Variants in NRXN1 observed in about 807,000 individuals in gnomAD.
NRXN1 encodes neurexin-1.
NRXN1 carries 39 observed loss-of-function variants against 150.9 expected under a neutral mutation model. That is an observed-to-expected ratio of 0.26 (90% CI 0.20 to 0.34). The LOEUF is 0.34. Among genes scored for constraint, NRXN1 ranks in the 10% least tolerant of loss-of-function variants. The pLI, the probability that NRXN1 is intolerant of heterozygous loss-of-function variation, is 1.00. For missense variants in NRXN1, 1,815 were observed against 1,949.9 expected, an observed-to-expected ratio of 0.93 and a Z score of 1.30; for synonymous variants, 924 against 757.0, an observed-to-expected ratio of 1.22 and a Z score of -3.62.
chr2:50,759,171 T>C (rs1701503529), intron 5 of NRXN1, among the ~76,000 whole-genome samples: 1 of 151,950 alleles, frequency 6.6e-6, no homozygotes, highest in South Asian at 2.1e-4. Flanking sequence ...TGACAAATTG[T>C]AGATAAATTG....
At chr2:50,816,276 T>C (rs768474744) in intron 5 of NRXN1, among the ~76,000 whole-genome samples, 3 of 152,092 alleles carry the variant, frequency 2.0e-5, no homozygotes, top group Non-Finnish European at 2.9e-5. Flanking sequence ...TCTTCTATTT[T>C]ATTTAGGAAT....
intron 8 of NRXN1, among the ~76,000 whole-genome samples, chr2:50,610,176 A>G (rs1194345293): frequency 6.6e-6 from 1 of 152,076 alleles, no homozygotes; most frequent in African/African-American, 2.4e-5. Context: ...ACTCCAAAAT[A>G]CTCATTTTGT....
chr2:50,156,494 G>C lies in NRXN1; in HGVS notation c.3547-65000C>G, dbSNP rs188195416. ...AATGGTTCCTTGCCTTTTATCTTACGGGTTACCTCAATGTTCAAACATGTG... is the reference window on the plus strand; with the variant it reads ...AATGGTTCCTTGCCTTTTATCTTACCGGTTACCTCAATGTTCAAACATGTG... On this transcript the variant is annotated intron_variant, in intron 18 of 22. Transcript: ENST00000401669. 1.6e-4 allele frequency among the ~76,000 whole-genome samples: 25 copies of C among 151,796 alleles called. No homozygotes were observed. The East Asian group carries it at 4.7e-3, about 28-fold the overall frequency.
At chr2:50,995,296 G>A (rs1014746418) in intron 2 of NRXN1, among the ~76,000 whole-genome samples, 7 of 151,870 alleles carry the variant, frequency 4.6e-5, no homozygotes, top group African/African-American at 9.7e-5. Flanking sequence ...TAGTGGCAGA[G>A]AAAAGACAGG....
intron 5 of NRXN1, among the ~76,000 whole-genome samples, chr2:50,847,473 G>A (rs1673832337): frequency 6.6e-6 from 1 of 152,072 alleles, no homozygotes; most frequent in Non-Finnish European, 1.5e-5. Flanking sequence ...TGATACAGAA[G>A]CGGGGAAGGG....
intron 12 of NRXN1, among the ~76,000 whole-genome samples, chr2:50,525,173 C>G (rs568528877): frequency 1.3e-5 from 2 of 152,274 alleles, no homozygotes; most frequent in East Asian, 3.9e-4. Context: ...CAGTCATCTT[C>G]TCATGCAAAT....
intron 10 of NRXN1, among the ~76,000 whole-genome samples, chr2:50,531,869 A>G (rs1386796208): frequency 6.6e-6 from 1 of 151,846 alleles, no homozygotes; most frequent in Non-Finnish European, 1.5e-5. Context: ...TGTTTGTTTG[A>G]GACAAGGTCT....
chr2:50,578,852 G>A (rs1208294243), intron 8 of NRXN1, among the ~76,000 whole-genome samples: 6 of 151,768 alleles, frequency 4.0e-5, no homozygotes, highest in Non-Finnish European at 7.4e-5. Context: ...ATTTTGATTG[G>A]GGTCACTGGA....
intron 18 of NRXN1, among the ~76,000 whole-genome samples, chr2:50,220,865 T>C (rs2152857621): frequency 1.3e-5 from 2 of 152,134 alleles, no homozygotes; most frequent in South Asian, 4.1e-4. Flanking sequence ...TAAGCCACTC[T>C]GCTGACAAAA....
At chr2:50,089,571 A>G (rs527787791) in intron 19 of NRXN1, among the ~76,000 whole-genome samples, 1 of 152,194 alleles carries the variant, frequency 6.6e-6, no homozygotes, top group Admixed American at 6.5e-5. Flanking sequence ...AAGATCACTT[A>G]AGGTCAGGTG....
At chr2:50,434,359 G>GGCGT (rs1303757779) in intron 17 of NRXN1, among the ~76,000 whole-genome samples, 1 of 152,054 alleles carries the variant, frequency 6.6e-6, no homozygotes, top group Non-Finnish European at 1.5e-5. Flanking sequence ...TGGGATTACA[G>GGCGT]GCGTGAGCCA....
At chr2:50,799,752 A>G (rs1005421504) in intron 5 of NRXN1, among the ~76,000 whole-genome samples, 2 of 152,182 alleles carry the variant, frequency 1.3e-5, no homozygotes, top group Non-Finnish European at 1.5e-5. Context: ...TATGATGTTC[A>G]GTAAGTTAGG....
chr2:50,518,363 A>G (rs188108816), intron 12 of NRXN1, among the ~76,000 whole-genome samples: 104 of 152,146 alleles, frequency 6.8e-4, no homozygotes, highest in Admixed American at 1.4e-3. Context: ...TGCTTATCAC[A>G]TAACAGGACA....
chr2:50,481,900 G>A (rs1384506676), intron 15 of NRXN1, among the ~76,000 whole-genome samples: 2 of 142,596 alleles, frequency 1.4e-5, no homozygotes, highest in African/African-American at 5.7e-5. Context: ...CAAGTAGCTG[G>A]GACTACAGGC....
rs546620452 is a variant in NRXN1, at chr2:50,822,436, A to T, written c.832+99433T>A. On this transcript the variant is annotated intron_variant, in intron 5 of 22. Coordinates refer to ENST00000401669, the MANE Select transcript of NRXN1 (RefSeq NM_001330078.2). ...AACAACAAATAAGGAAAGTCTTAAA[A>T]ATAAATATTTTTCTGCAGAAAATAC... 2.4e-4 allele frequency among the ~76,000 whole-genome samples: 36 copies of T among 152,278 alleles called. 1 individual carries two copies. The East Asian group carries it at 6.8e-3, about 29-fold the overall frequency.
At chr2:50,769,557 C>T (rs1702763222) in intron 5 of NRXN1, among the ~76,000 whole-genome samples, 1 of 152,118 alleles carries the variant, frequency 6.6e-6, no homozygotes, top group Admixed American at 6.6e-5. Flanking sequence ...TTTCTCACCC[C>T]TCTGCAGAAT....
chr2:50,632,072 AT>A lies in NRXN1; in HGVS notation c.833-8458del, dbSNP rs1351681428. The stretch of plus-strand genomic sequence containing the variant: ...ATTATATTCAAGGAGATGTATAGGT[AT>A]TTTGTATTTATAAACAGTCCTCATT... On this transcript the variant is annotated intron_variant, in intron 5 of 22. Coordinates refer to ENST00000401669, the MANE Select transcript of NRXN1 (RefSeq NM_001330078.2). 3.3e-5 allele frequency among the ~76,000 whole-genome samples: 5 copies of A among 152,096 alleles called. No individual in the cohort carries two copies. The East Asian group carries it at 7.7e-4, about 24-fold the overall frequency.
intron 5 of NRXN1, among the ~76,000 whole-genome samples, chr2:50,886,068 C>T (rs760480005): frequency 6.6e-6 from 1 of 151,264 alleles, no homozygotes; most frequent in African/African-American, 2.4e-5. Flanking sequence ...TTTATTTGAT[C>T]ATTGTATAGA....
At chr2:50,309,692 C>A (rs1454497193) in intron 17 of NRXN1, among the ~76,000 whole-genome samples, 2 of 152,136 alleles carry the variant, frequency 1.3e-5, no homozygotes, top group East Asian at 3.9e-4. Context: ...ATCGTCTAGA[C>A]TAATTTTCTT....
Sources: allele counts gnomAD v4.1 joint callset (sites outside exome capture counted in the v4.1 genomes callset), GRCh38; gene constraint gnomAD v4.1.1; transcripts MANE v1.5; gene names NCBI Gene and HGNC (gene_info 2026-07-23, HGNC 2026-07-21).